The following FGF5 variants were observed in gnomAD, a reference collection of about 807,000 sequenced individuals.
FGF5 encodes heparin-binding growth factor 5.
In FGF5, 23 loss-of-function variants were observed where a neutral mutation model predicts 21.8. The observed-to-expected ratio is 1.05, with a 90% CI of 0.76 to 1.49. The LOEUF (loss-of-function observed/expected upper bound fraction) is 1.49. Ranked by LOEUF, FGF5 falls within the 40% of genes most tolerant of loss-of-function variation. The pLI is 0.00. For missense variants in FGF5, 352 were observed against 332.9 expected, an observed-to-expected ratio of 1.06 and a Z score of -0.45; for synonymous variants, 158 against 124.0, an observed-to-expected ratio of 1.27 and a Z score of -1.82.
At position 80,276,894 on chromosome 4, in the gene FGF5, A is replaced by G. The variant is rs34382872; in HGVS notation, c.459+1882A>G. Among the ~76,000 whole-genome samples, 815 of 152,260 alleles carry G rather than the reference A, an allele frequency of 5.4e-3. 6 individuals carry two copies. Among genetic ancestry groups the G allele is most frequent in the African/African-American group, 0.017 (725 of 41,564 alleles). On this transcript the variant is annotated intron_variant, in intron 2 of 2. Transcript: ENST00000312465. ...CACCTTTAAAATCTAACCTCATAAT[A>G]GTACACAGTGCATACAAAGAAACTT...
At chr4:80,282,495 T>C (rs1009157910) in intron 2 of FGF5, among the ~76,000 whole-genome samples, 2 of 152,216 alleles carry the variant, frequency 1.3e-5, no homozygotes, top group African/African-American at 4.8e-5. Flanking sequence ...AAAGAGATTT[T>C]AATGTAATTT....
chr4:80,271,969 G>A (rs1366984256), intron 1 of FGF5, among the ~76,000 whole-genome samples: 6 of 152,166 alleles, frequency 3.9e-5, no homozygotes, highest in Non-Finnish European at 8.8e-5. Context: ...TTTTGGGGAG[G>A]AGGGCAGGAA....
chr4:80,281,556 C>T (rs1377248399), intron 2 of FGF5, among the ~76,000 whole-genome samples: 1 of 152,040 alleles, frequency 6.6e-6, no homozygotes, highest in Non-Finnish European at 1.5e-5. Flanking sequence ...CACACAAATT[C>T]CAAGGTTTAT....
In FGF5 at chr4:80,288,688, G is replaced by C. The variant is rs10006753; in HGVS notation, c.*2016G>C. 2 of 152,404 alleles carry C rather than the reference G, an allele frequency of 1.3e-5. No individual in the cohort carries two copies. Among genetic ancestry groups the C allele is most frequent in the Non-Finnish European group, 2.9e-5 (2 of 67,984 alleles). 9.4% of individuals were successfully genotyped at this position (152,404 alleles called of 1,614,324 possible). On this transcript the variant is annotated 3_prime_UTR_variant, in exon 3 of 3. Transcript: ENST00000312465. The stretch of plus-strand genomic sequence containing the variant: ...ATGAAAAATTTTAGCTGCCAAACAG[G>C]AACTAGTAAACATATGTTCCTAATA...
chr4:80,267,100 C>T lies in FGF5; in HGVS notation c.276C>T (p.Tyr92=), dbSNP rs1164229817. The T allele has an allele frequency of 1.9e-6, 3 of 1,614,240 alleles. No individual in the cohort carries two copies. Among genetic ancestry groups the T allele is most frequent in the Admixed American group, 3.3e-5 (2 of 60,032 alleles). ...CGGGGCGCCGGACCGGCAGCCTCTACTGCAGAGTGGGCATCGGTTTCCATC... is the reference window on the plus strand; with the variant it reads ...CGGGGCGCCGGACCGGCAGCCTCTATTGCAGAGTGGGCATCGGTTTCCATC... ...SPSGRRTGSL[Y]CRVGIGFHLQ... is the part of the protein sequence containing the mutation. The change falls in exon 1 of 3, where the codon TAC becomes TAT. Residue 92 remains tyrosine (Y), a synonymous_variant. Coordinates refer to ENST00000312465, the MANE Select transcript of FGF5 (RefSeq NM_004464.4).
intron 2 of FGF5, among the ~76,000 whole-genome samples, chr4:80,276,637 C>G (rs1720419420): frequency 1.3e-5 from 2 of 151,762 alleles, no homozygotes; most frequent in African/African-American, 2.4e-5. Flanking sequence ...TCTTTTACCC[C>G]CAGCCCCCTC....
At chr4:80,277,437 G>T (rs949070436) in intron 2 of FGF5, among the ~76,000 whole-genome samples, 3 of 152,056 alleles carry the variant, frequency 2.0e-5, no homozygotes, top group Non-Finnish European at 4.4e-5. Flanking sequence ...TTTCCTCTAG[G>T]TGTAAACCTA....
In FGF5 at chr4:80,287,243, A is replaced by C. The variant is rs1024030681; in HGVS notation, c.*571A>C. The C allele has an allele frequency of 6.6e-6, 1 of 152,132 alleles. No homozygotes were observed. Among genetic ancestry groups the C allele is most frequent in the African/African-American group, 2.4e-5 (1 of 41,428 alleles). 9.4% of individuals were successfully genotyped at this position (152,132 alleles called of 1,614,324 possible). ...TATGGAAATCTTTTACATTTTTCCTATTCACTGCACTTTTTTATTGTTTTT... is the reference window on the plus strand; with the variant it reads ...TATGGAAATCTTTTACATTTTTCCTCTTCACTGCACTTTTTTATTGTTTTT... On this transcript the variant is annotated 3_prime_UTR_variant, in exon 3 of 3. Coordinates refer to ENST00000312465, the MANE Select transcript of FGF5 (RefSeq NM_004464.4).
In FGF5 at chr4:80,282,910, T is replaced by G. The variant is rs115811398; in HGVS notation, c.460-3415T>G. Among the ~76,000 whole-genome samples, 658 of 152,262 alleles carry G rather than the reference T, an allele frequency of 4.3e-3. 4 individuals carry two copies. Among genetic ancestry groups the G allele is most frequent in the African/African-American group, 0.014 (581 of 41,564 alleles). ...GCCTGGAAAATTTATTGTCCAAAAT[T>G]TTCTAATGGTAAATGTATGTATTTT... On this transcript the variant is annotated intron_variant, in intron 2 of 2. Coordinates refer to ENST00000312465, the MANE Select transcript of FGF5 (RefSeq NM_004464.4).
intron 2 of FGF5, among the ~76,000 whole-genome samples, chr4:80,281,122 T>C (rs1720541911): frequency 6.6e-6 from 1 of 151,980 alleles, no homozygotes; most frequent in African/African-American, 2.4e-5. Flanking sequence ...GCCTGGGAGA[T>C]AGCATGGCAA....
intron 1 of FGF5, among the ~76,000 whole-genome samples, chr4:80,273,078 C>T (rs1032736238): frequency 6.6e-6 from 1 of 151,730 alleles, no homozygotes; most frequent in Non-Finnish European, 1.5e-5. Flanking sequence ...GCTTCTAAAC[C>T]TTTAGAAGCA....
intron 2 of FGF5, among the ~76,000 whole-genome samples, chr4:80,285,612 C>T (rs1365492339): frequency 6.6e-6 from 1 of 152,108 alleles, no homozygotes; most frequent in African/African-American, 2.4e-5. Flanking sequence ...TACTTGTCTG[C>T]TTTTCCACTA....
At chr4:80,279,160 T>C (rs1049154500) in intron 2 of FGF5, among the ~76,000 whole-genome samples, 8 of 152,334 alleles carry the variant, frequency 5.3e-5, no homozygotes, top group Middle Eastern at 3.4e-3. Context: ...AAGACACAGT[T>C]AGATTGCCCC....
At position 80,266,814 on chromosome 4, in the gene FGF5, C is replaced by A. The variant is rs1296714389; in HGVS notation, c.-11C>A. 13 of 1,564,374 alleles carry A rather than the reference C, an allele frequency of 8.3e-6. No individual in the cohort carries two copies. The highest frequency in any genetic ancestry group is 1.1e-5 in the Non-Finnish European group (13 of 1,157,140). On this transcript the variant is annotated 5_prime_UTR_variant, in exon 1 of 3. Transcript: ENST00000312465. ...CTACAAGATGCACTTAGGACCCCCG[C>A]GGCTGGAAGAATGAGCTTGTCCTTC...
At position 80,290,537 on chromosome 4, in the gene FGF5, T is replaced by A. The variant is rs573048200; in HGVS notation, c.*3865T>A. 4.9e-4 allele frequency: 74 copies of A among 152,202 alleles called. No individual in the cohort carries two copies. Among genetic ancestry groups the A allele is most frequent in the African/African-American group, 1.5e-3 (64 of 41,526 alleles). 9.4% of individuals were successfully genotyped at this position (152,202 alleles called of 1,614,324 possible). A position where few individuals can be genotyped will look rare whatever the true frequency, so the allele number is the denominator to read the frequency against. ...ATCTTTACATCTAAGAATTTTTTTTTAAATTTTATTATTATTATACTTCAA... is the reference window on the plus strand; with the variant it reads ...ATCTTTACATCTAAGAATTTTTTTTAAAATTTTATTATTATTATACTTCAA... On this transcript the variant is annotated 3_prime_UTR_variant, in exon 3 of 3. Transcript: ENST00000312465.
chr4:80,268,944 A>C (rs1157663284), intron 1 of FGF5, among the ~76,000 whole-genome samples: 5 of 152,232 alleles, frequency 3.3e-5, no homozygotes, highest in African/African-American at 1.2e-4. Context: ...ACATCTATTT[A>C]TTTCCATTCG....
At chr4:80,272,956 T>A (rs1720311400) in intron 1 of FGF5, among the ~76,000 whole-genome samples, 1 of 152,108 alleles carries the variant, frequency 6.6e-6, no homozygotes, top group African/African-American at 2.4e-5. Context: ...TAACTTTGTA[T>A]CACTGTTATA....
At position 80,286,668 on chromosome 4, in the gene FGF5, G is replaced by A; in HGVS notation, c.803G>A (p.Gly268Glu). ...SVKYRLKFRF[G>E] is the part of the protein sequence containing the mutation. The stretch of plus-strand genomic sequence containing the variant: ...AAATACAGACTCAAGTTTCGCTTTG[G>A]ATAATATTCCTCTTGGCCTTGTGAG... The change falls in exon 3 of 3, where the codon GGA becomes GAA. Residue 268 changes from glycine to glutamate, a missense_variant. Transcript: ENST00000312465. The A allele has an allele frequency of 2.5e-6, 4 of 1,611,852 alleles. No homozygotes were observed. Among genetic ancestry groups the A allele is most frequent in the Non-Finnish European group, 3.4e-6 (4 of 1,178,366 alleles).
chr4:80,278,803 C>T (rs950071762), intron 2 of FGF5, among the ~76,000 whole-genome samples: 6 of 152,150 alleles, frequency 3.9e-5, no homozygotes, highest in Non-Finnish European at 8.8e-5. Context: ...GCAGTGCAAC[C>T]AAATTCTTGT....
Sources: gnomAD v4.1 joint callset for allele counts (sites outside exome capture counted in the v4.1 genomes callset) on GRCh38, gnomAD v4.1.1 for gene constraint, MANE v1.5 for transcripts, NCBI Gene and HGNC (gene_info 2026-07-23, HGNC 2026-07-21) for gene names.